Variants in AP5Z1 observed in about 807,000 individuals in gnomAD.
AP5Z1 encodes AP-5 complex subunit zeta-1.
In AP5Z1, 106 loss-of-function variants were observed where a neutral mutation model predicts 83.0. The ratio of observed to expected loss-of-function variants is 1.28; its 90% CI spans 1.09 to 1.50. AP5Z1 has a LOEUF of 1.50. AP5Z1 is among the 40% of genes most tolerant of loss of function. The pLI, the probability that AP5Z1 is intolerant of heterozygous loss-of-function variation, is 0.00. For synonymous variants in AP5Z1, 751 were observed against 514.1 expected (o/e 1.46, Z -6.23); for missense variants, 1,565 against 1,094.2 (o/e 1.43, Z -6.07).
intron 4 of AP5Z1, 85 bp from the exon 5 acceptor site, chr7:4,783,604 T>C (rs1390735051): frequency 3.3e-6 from 5 of 1,516,404 alleles, no homozygotes; most frequent in Non-Finnish European, 4.5e-6. Context: ...GATTCTGTTT[T>C]CTGAGAAAAG....
At chr7:4,775,847 C>A in intron 1 of AP5Z1, 91 bp downstream of exon 1, 2 of 1,517,502 alleles carry the variant, frequency 1.3e-6, no homozygotes, top group East Asian at 2.4e-5. Context: ...GCTTGGGCGC[C>A]AGCCTTGCAG....
At chr7:4,779,311 TATAAC>T (rs1448489045) in intron 1 of AP5Z1, among the ~76,000 whole-genome samples, 1 of 146,784 alleles carries the variant, frequency 6.8e-6, no homozygotes, top group Non-Finnish European at 1.5e-5. Flanking sequence ...ATATAACGTA[TATAAC>T]ATAACACGTT....
chr7:4,786,325 G>A lies in AP5Z1; in HGVS notation c.1208G>A (p.Ser403Asn), dbSNP rs1449129666. 7 of 1,613,800 alleles carry A rather than the reference G, an allele frequency of 4.3e-6. No individual in the cohort carries two copies. Among genetic ancestry groups the A allele is most frequent in the Non-Finnish European group, 5.9e-6 (7 of 1,179,850 alleles). ...FTRIPVEQFH[S>N]PMLAFEFIQF... ...AGGATCCCGGTGGAGCAGTTCCACAGCCCCATGCTGGCCTTTGAATTCATC... is the reference window on the plus strand; with the variant it reads ...AGGATCCCGGTGGAGCAGTTCCACAACCCCATGCTGGCCTTTGAATTCATC... The change falls in exon 10 of 17, where the codon AGC (serine) becomes AAC (asparagine). Residue 403 changes from serine (S) to asparagine (N), a missense_variant. Transcript: ENST00000649063.
intron 13 of AP5Z1, 100 bp downstream of exon 13, chr7:4,789,051 T>C (rs1397430533): frequency 9.8e-7 from 1 of 1,019,302 alleles, no homozygotes; most frequent in Non-Finnish European, 1.4e-6. Context: ...TGCAGAAGGC[T>C]GCTCCCGCCA....
rs1400300330 is a variant in AP5Z1 at position 4,793,821 on chromosome 7, C to CCTG, written c.*2439_*2441dup. The CCTG allele has an allele frequency of 6.5e-6, 1 of 153,286 alleles. No homozygotes were observed. The highest frequency in any genetic ancestry group is 1.5e-5 in the Non-Finnish European group (1 of 68,792). The allele number at this position is 153,286 out of a possible 1,614,324, so 9.5% of individuals were successfully genotyped here. On this transcript the variant is annotated 3_prime_UTR_variant, in exon 17 of 17. Coordinates refer to ENST00000649063, the MANE Select transcript of AP5Z1 (RefSeq NM_014855.3). ...CGAGCCTCCCCAACGAGTGTTGCCA[C>CCTG]CTGCTCAGGGCACCCAGTCCCATCG...
In AP5Z1 at chr7:4,791,869, G is replaced by A. The variant is rs548357776; in HGVS notation, c.*484G>A. 77 of 159,776 alleles carry A rather than the reference G, an allele frequency of 4.8e-4. 1 individual carries two copies. Among genetic ancestry groups the A allele is most frequent in the South Asian group, 3.8e-3 (20 of 5,262 alleles). 9.9% of individuals were successfully genotyped at this position (159,776 alleles called of 1,614,324 possible). A position where few individuals can be genotyped will look rare whatever the true frequency, so the allele number is the denominator to read the frequency against. On this transcript the variant is annotated 3_prime_UTR_variant, in exon 17 of 17. Transcript: ENST00000649063. ...GCCAGTCCTGGAGGCTCAGCCCGGC[G>A]TGCCACTGCTGCTACAGAAACCAGG...
intron 13 of AP5Z1, among the ~76,000 whole-genome samples, chr7:4,789,402 AG>A (rs1188010718): frequency 2.6e-5 from 4 of 151,888 alleles, no homozygotes; most frequent in Admixed American, 2.6e-4. Context: ...TCCCCATCTG[AG>A]GCCAAAATAA....
intron 11 of AP5Z1, 107 bp downstream of exon 11, chr7:4,787,883 T>G: frequency 7.5e-7 from 1 of 1,325,764 alleles, no homozygotes; most frequent in East Asian, 2.6e-5. Flanking sequence ...CCCTCCTTCT[T>G]CCCCCCCCAA....
Position 4,790,440 on chromosome 7 carries a change from G to C in AP5Z1, c.1806-19G>C. 6.2e-7 allele frequency: 1 copy of C among 1,612,960 alleles called. No homozygotes were observed. On this transcript the variant is annotated intron_variant, in intron 14 of 16. Transcript: ENST00000649063. Reference sequence around the variant, plus strand: ...CATAGGTCTGCACAGAGCAGGCGTAGACCCGGCTTTCTGGGCAGTGTGCTG... The same window carrying C: ...CATAGGTCTGCACAGAGCAGGCGTACACCCGGCTTTCTGGGCAGTGTGCTG...
chr7:4,787,628 C>T lies in AP5Z1; in HGVS notation c.1312-6C>T. The T allele has an allele frequency of 6.4e-7, 1 of 1,550,614 alleles. No individual in the cohort carries two copies. Among genetic ancestry groups the T allele is most frequent in the Non-Finnish European group, 8.7e-7 (1 of 1,147,870 alleles). Reference sequence around the variant, plus strand: ...CCGTGTCCGAACCGCTGTGCTGTGCCCACAGTTCCTGGCCTGGAACAGCCC... The same window carrying T: ...CCGTGTCCGAACCGCTGTGCTGTGCTCACAGTTCCTGGCCTGGAACAGCCC... On this transcript the variant is annotated splice_polypyrimidine_tract_variant and splice_region_variant and intron_variant, in intron 10 of 16. Transcript: ENST00000649063.
rs1781540283 is a variant in AP5Z1 at position 4,786,256 on chromosome 7, CG to C, written c.1141del (p.Ala381LeufsTer50). On this transcript the variant is annotated frameshift_variant, in exon 10 of 17. Coordinates refer to ENST00000649063, the MANE Select transcript of AP5Z1 (RefSeq NM_014855.3). LOFTEE classifies it high-confidence loss of function. ...LAHFFLSHGE[A>X]AAVDSEAVYQ... is the part of the protein sequence containing the mutation. ...GCGGGCCCTGGTCTTGCAGGGGAAGCGGCTGCAGTGGACTCGGAAGCCGTCT... is the reference window on the plus strand; with the variant it reads ...GCGGGCCCTGGTCTTGCAGGGGAAGCGCTGCAGTGGACTCGGAAGCCGTCT... 6.2e-7 allele frequency: 1 copy of C among 1,602,604 alleles called. No individual in the cohort carries two copies. Among genetic ancestry groups the C allele is most frequent in the Non-Finnish European group, 8.5e-7 (1 of 1,173,332 alleles).
intron 1 of AP5Z1, among the ~76,000 whole-genome samples, chr7:4,775,964 G>GGT (rs1281314257): frequency 1.3e-5 from 2 of 152,194 alleles, no homozygotes; most frequent in Non-Finnish European, 2.9e-5. Context: ...CCCCGGAGGA[G>GGT]GTGACACTTG....
rs1462882434 is a variant in AP5Z1, at chr7:4,785,543, G to A, written c.991G>A (p.Val331Met). Reference protein sequence around the residue: ...QKACLVEAVLVLDVLCRQDPS... With the variant: ...QKACLVEAVLMLDVLCRQDPS... Reference sequence around the variant, plus strand: ...GCAGTGCCTGGTGGAGGCCGTGCTGGTGCTGGACGTGCTGTGCCGGCAGGA... The same window carrying A: ...GCAGTGCCTGGTGGAGGCCGTGCTGATGCTGGACGTGCTGTGCCGGCAGGA... Residue 331 changes from valine to methionine, a missense_variant, in exon 9 of 17, where the codon GTG becomes ATG. Transcript: ENST00000649063. The A allele has an allele frequency of 6.2e-7, 1 of 1,612,558 alleles. No individual in the cohort carries two copies. Among genetic ancestry groups the A allele is most frequent in the Admixed American group, 1.7e-5 (1 of 59,898 alleles).
Position 4,781,229 on chromosome 7 carries a change from G to A in AP5Z1, c.96G>A (p.Leu32=), listed in dbSNP as rs775783812. 3.7e-6 allele frequency: 6 copies of A among 1,613,742 alleles called. No individual in the cohort carries two copies. Among genetic ancestry groups the A allele is most frequent in the Admixed American group, 1.7e-5 (1 of 60,032 alleles). Residue 32 remains leucine, a synonymous_variant, in exon 2 of 17, where the codon CTG becomes CTA. Transcript: ENST00000649063. ...TCTGTTCCCGGATCTGTAAACTGCTGCAGGCGGAGGACTTGGGGCCGGACA... is the reference window on the plus strand; with the variant it reads ...TCTGTTCCCGGATCTGTAAACTGCTACAGGCGGAGGACTTGGGGCCGGACA... ...KKFCSRICKL[L]QAEDLGPDTL...
In AP5Z1 at chr7:4,791,064, T is replaced by C. The variant is rs1172800075; in HGVS notation, c.2154-51T>C. 3.3e-6 allele frequency: 5 copies of C among 1,514,006 alleles called. No individual in the cohort carries two copies. In the African/African-American group the frequency reaches 4.1e-5, roughly 12 times the overall value. The allele number at this position is 1,514,006 out of a possible 1,614,324, so 93.8% of individuals were successfully genotyped here. A position where few individuals can be genotyped will look rare whatever the true frequency, so the allele number is the denominator to read the frequency against. On this transcript the variant is annotated intron_variant, in intron 16 of 16. Coordinates refer to ENST00000649063, the MANE Select transcript of AP5Z1 (RefSeq NM_014855.3). ...GGCCTGGCCCCTCCACACAGACCCC[T>C]GTCCTGGGAGGGGAGCATCTGCAGC...
At chr7:4,779,457 C>T (rs1376334229) in intron 1 of AP5Z1, among the ~76,000 whole-genome samples, 2 of 144,910 alleles carry the variant, frequency 1.4e-5, no homozygotes, top group East Asian at 3.9e-4. Flanking sequence ...TTATATATAA[C>T]ATATATATTA....
At position 4,782,763 on chromosome 7, in the gene AP5Z1, C is replaced by T. The variant is rs113899336; in HGVS notation, c.367-553C>T. ...TCCGGCTCTTCTTGTTTGTTTCACC[C>T]GCCCTTCTCCTCAAGCAACTCATTT... is the stretch of plus-strand genomic sequence containing the variant. On this transcript the variant is annotated intron_variant, in intron 3 of 16. Transcript: ENST00000649063. 2.6e-4 allele frequency among the ~76,000 whole-genome samples: 39 copies of T among 151,032 alleles called. 1 individual carries two copies. The highest frequency in any genetic ancestry group is 8.2e-4 in the African/African-American group (34 of 41,366).
Position 4,786,290 on chromosome 7 carries a change from C to CTCGGAAG in AP5Z1, c.1173_1174insTCGGAAG (p.Leu392SerfsTer20). 6.2e-7 allele frequency: 1 copy of CTCGGAAG among 1,613,384 alleles called. No homozygotes were observed. Among genetic ancestry groups the CTCGGAAG allele is most frequent in the Non-Finnish European group, 8.5e-7 (1 of 1,179,596 alleles). On this transcript the variant is annotated frameshift_variant, in exon 10 of 17. Coordinates refer to ENST00000649063, the MANE Select transcript of AP5Z1 (RefSeq NM_014855.3). LOFTEE classifies it high-confidence loss of function. ...TGGACTCGGAAGCCGTCTACCAGCA[C>CTCGGAAG]CTGTTCACCAGGATCCCGGTGGAGC...
rs752688603 is a variant in AP5Z1 at position 4,790,851 on chromosome 7, C to G, written c.2117C>G (p.Thr706Arg). The G allele has an allele frequency of 1.6e-5, 26 of 1,607,902 alleles. No individual in the cohort carries two copies. Among genetic ancestry groups the G allele is most frequent in the Non-Finnish European group, 2.0e-5 (23 of 1,178,178 alleles). Residue 706 changes from threonine to arginine, a missense_variant, in exon 16 of 17, where the codon ACG becomes AGG. Thr to Arg is a moderately conservative substitution (Grantham distance 71). Transcript: ENST00000649063. ...GTCACCGTGCTGATGACCACGCTGACGAAGCTGGCCTCCCGGAGCCAAGAT... is the reference window on the plus strand; with the variant it reads ...GTCACCGTGCTGATGACCACGCTGAGGAAGCTGGCCTCCCGGAGCCAAGAT... ...QVVTVLMTTL[T>R]KLASRSQDLI... is the part of the protein sequence containing the mutation.
Sources: allele counts gnomAD v4.1 joint callset (sites outside exome capture counted in the v4.1 genomes callset), GRCh38; gene constraint gnomAD v4.1.1; transcripts MANE v1.5; gene names NCBI Gene and HGNC (gene_info 2026-07-23, HGNC 2026-07-21).